The following CACNB2 variants were observed in gnomAD, a reference collection of about 807,000 sequenced individuals.
CACNB2 encodes the protein calcium voltage-gated channel auxiliary subunit beta 2, also known as voltage-dependent L-type calcium channel subunit beta-2.
In CACNB2, 42 loss-of-function variants were observed where a neutral mutation model predicts 73.3. The observed-to-expected ratio is 0.57, with a 90% CI of 0.45 to 0.74. The LOEUF (loss-of-function observed/expected upper bound fraction) is 0.74. Among genes scored for constraint, CACNB2 ranks in the 30% least tolerant of loss-of-function variants. The pLI, the probability that CACNB2 is intolerant of heterozygous loss-of-function variation, is 0.00. For missense variants in CACNB2, 940 were observed against 853.0 expected, an observed-to-expected ratio of 1.10 and a Z score of -1.27; for synonymous variants, 348 against 310.3, an observed-to-expected ratio of 1.12 and a Z score of -1.28.
intron 2 of CACNB2, among the ~76,000 whole-genome samples, chr10:18,391,227 G>A (rs1447809283): frequency 6.6e-6 from 1 of 152,158 alleles, no homozygotes; most frequent in Non-Finnish European, 1.5e-5. Context: ...GCTTCAAGCT[G>A]AAGCCTTTGT....
chr10:18,202,566 A>G (rs1283686407), intron 2 of CACNB2, among the ~76,000 whole-genome samples: 1 of 152,182 alleles, frequency 6.6e-6, no homozygotes, highest in East Asian at 1.9e-4. Flanking sequence ...ATAATACACA[A>G]TCTATAAGGG....
intron 2 of CACNB2, among the ~76,000 whole-genome samples, chr10:18,273,900 G>A (rs2038163225): frequency 6.6e-6 from 1 of 152,080 alleles, no homozygotes; most frequent in Non-Finnish European, 1.5e-5. Context: ...TTAACTACTA[G>A]ATCCAGTTCA....
intron 3 of CACNB2, among the ~76,000 whole-genome samples, chr10:18,438,860 C>A (rs1322333649): frequency 6.6e-6 from 1 of 152,192 alleles, no homozygotes; most frequent in Non-Finnish European, 1.5e-5. Context: ...TGCCCTCTTA[C>A]CTGATTTCCT....
intron 2 of CACNB2, among the ~76,000 whole-genome samples, chr10:18,333,591 T>A (rs1162068719): frequency 6.6e-6 from 1 of 152,232 alleles, no homozygotes; most frequent in African/African-American, 2.4e-5. Flanking sequence ...GTGTTGGCTG[T>A]TATTTACCAA....
At position 18,348,512 on chromosome 10, in the gene CACNB2, G is replaced by A. The variant is rs139616485; in HGVS notation, c.214-53412G>A. On this transcript the variant is annotated intron_variant, in intron 2 of 13. Transcript: ENST00000324631. ...AGACAGACAGATAGATGGATGGATA[G>A]GTGGATAGATAGATTGTTTGAGACA... Among the ~76,000 whole-genome samples the A allele has an allele frequency of 4.5e-4, 68 of 152,212 alleles. 2 individuals carry two copies. The highest frequency in any genetic ancestry group is 4.0e-3 in the Admixed American group (61 of 15,286).
chr10:18,303,340 A>C (rs2039600448), intron 2 of CACNB2, among the ~76,000 whole-genome samples: 1 of 152,062 alleles, frequency 6.6e-6, no homozygotes, highest in African/African-American at 2.4e-5. Flanking sequence ...TCATCTCTGC[A>C]AATAATAATT....
intron 7 of CACNB2, 162 bp downstream of exon 7, chr10:18,514,531 G>GT: frequency 3.1e-6 from 5 of 1,613,794 alleles, no homozygotes; most frequent in Non-Finnish European, 4.2e-6. Context: ...GCAGAAATCG[G>GT]TAAGTTTACA....
At position 18,534,353 on chromosome 10, in the gene CACNB2, T is replaced by C; in HGVS notation, c.1206+126T>C. On this transcript the variant is annotated intron_variant, in intron 11 of 13. Coordinates refer to ENST00000324631, the MANE Select transcript of CACNB2 (RefSeq NM_201596.3). ...GTATAGAGAATTTGAGGAGACATGA[T>C]AGTCAAGAATTTTTAAATTGATATA... 4.7e-6 allele frequency: 4 copies of C among 844,442 alleles called. No homozygotes were observed. In the Admixed American group the frequency reaches 5.8e-5, roughly 12 times the overall value. 52.3% of individuals were successfully genotyped at this position (844,442 alleles called of 1,614,324 possible).
chr10:18,306,808 C>T (rs544608814), intron 2 of CACNB2, among the ~76,000 whole-genome samples: 23 of 152,188 alleles, frequency 1.5e-4, no homozygotes, highest in African/African-American at 5.5e-4. Flanking sequence ...GGTTAATGGA[C>T]TGAAGACACT....
At chr10:18,442,805 C>T (rs1241127280) in intron 3 of CACNB2, among the ~76,000 whole-genome samples, 3 of 145,722 alleles carry the variant, frequency 2.1e-5, no homozygotes, top group Non-Finnish European at 4.5e-5. Context: ...AGCCTGGTGA[C>T]AGAGCGAGAC....
chr10:18,382,701 C>G (rs1021704299), intron 2 of CACNB2, among the ~76,000 whole-genome samples: 2 of 152,106 alleles, frequency 1.3e-5, no homozygotes, highest in African/African-American at 2.4e-5. Flanking sequence ...CATCCATGTC[C>G]CTGCAAAGGA....
rs1288931589 is a variant in CACNB2 at position 18,541,184 on chromosome 10, C to G, written c.*1460C>G. 6.5e-6 allele frequency: 1 copy of G among 152,748 alleles called. No individual in the cohort carries two copies. The highest frequency in any genetic ancestry group is 1.5e-5 in the Non-Finnish European group (1 of 68,042). 9.5% of individuals were successfully genotyped at this position (152,748 alleles called of 1,614,324 possible). A position where few individuals can be genotyped will look rare whatever the true frequency, so the allele number is the denominator to read the frequency against. On this transcript the variant is annotated 3_prime_UTR_variant, in exon 14 of 14. Transcript: ENST00000324631. ...AGTTACCTACCATTCCTCCCCACCA[C>G]CGACTCCAGCAGGTTCACTGTCTGT...
At chr10:18,319,830 G>T (rs1238787048) in intron 2 of CACNB2, among the ~76,000 whole-genome samples, 1 of 152,212 alleles carries the variant, frequency 6.6e-6, no homozygotes, top group East Asian at 1.9e-4. Flanking sequence ...AATGCCACAG[G>T]GTGAGCTAAG....
intron 2 of CACNB2, among the ~76,000 whole-genome samples, chr10:18,261,572 T>C (rs954956038): frequency 7.2e-5 from 11 of 152,294 alleles, no homozygotes; most frequent in African/African-American, 2.6e-4. Flanking sequence ...TGCGCGGGGA[T>C]TGGTTTGAGA....
chr10:18,186,510 G>A (rs2034160515), intron 2 of CACNB2, among the ~76,000 whole-genome samples: 1 of 152,190 alleles, frequency 6.6e-6, no homozygotes, highest in Non-Finnish European at 1.5e-5. Context: ...GGCTGTACAG[G>A]AAGCATGATG....
chr10:18,244,362 T>C (rs2036780091), intron 2 of CACNB2, among the ~76,000 whole-genome samples: 1 of 152,198 alleles, frequency 6.6e-6, no homozygotes, highest in Admixed American at 6.5e-5. Flanking sequence ...AAAACTAAAA[T>C]TAGAATCATC....
intron 5 of CACNB2, among the ~76,000 whole-genome samples, chr10:18,502,828 G>A (rs1323414675): frequency 6.6e-6 from 1 of 151,854 alleles, no homozygotes; most frequent in East Asian, 1.9e-4. Flanking sequence ...TGGGAGGAGG[G>A]TGAGGATCAG....
At chr10:18,173,158 G>C (rs193060106) in intron 2 of CACNB2, among the ~76,000 whole-genome samples, 2 of 152,220 alleles carry the variant, frequency 1.3e-5, no homozygotes, top group Admixed American at 1.3e-4. Flanking sequence ...GATTTCAAGA[G>C]ATCCACCTGC....
At chr10:18,363,703 G>C (rs767073351) in intron 2 of CACNB2, among the ~76,000 whole-genome samples, 1 of 151,948 alleles carries the variant, frequency 6.6e-6, no homozygotes. Context: ...TCTGAATTCA[G>C]GTCTTTGTCT....
Sources: gnomAD v4.1 joint callset for allele counts (sites outside exome capture counted in the v4.1 genomes callset) on GRCh38, gnomAD v4.1.1 for gene constraint, MANE v1.5 for transcripts, NCBI Gene and HGNC (gene_info 2026-07-23, HGNC 2026-07-21) for gene names.